GRM8: variants seen among roughly 807,000 people sequenced by gnomAD.
GRM8 encodes metabotropic glutamate receptor 8.
In GRM8, 47 loss-of-function variants were observed where a neutral mutation model predicts 87.2. The observed-to-expected ratio is 0.54, with a 90% CI of 0.43 to 0.69. The LOEUF (loss-of-function observed/expected upper bound fraction) is 0.69, where lower values mean the gene tolerates loss of function less well. GRM8 is among the 30% of genes least tolerant of loss of function. The pLI is 0.00. For synonymous variants in GRM8, 396 were observed against 404.5 expected (o/e 0.98, Z 0.25); for missense variants, 1,019 against 1,139.2 (o/e 0.89, Z 1.52).
intron 7 of GRM8, among the ~76,000 whole-genome samples, chr7:126,728,884 C>T (rs1262807814): frequency 1.3e-5 from 2 of 152,178 alleles, no homozygotes; most frequent in African/African-American, 4.8e-5. Flanking sequence ...TTAAACATGT[C>T]AGACACTCTT....
chr7:127,171,227 G>C (rs988544047), intron 2 of GRM8, among the ~76,000 whole-genome samples: 2 of 152,118 alleles, frequency 1.3e-5, no homozygotes, highest in Non-Finnish European at 2.9e-5. Flanking sequence ...ATGAGAAGTC[G>C]CTTCTTATGG....
At chr7:127,029,955 C>T (rs1271633103) in intron 3 of GRM8, among the ~76,000 whole-genome samples, 1 of 152,030 alleles carries the variant, frequency 6.6e-6, no homozygotes, top group Non-Finnish European at 1.5e-5. Context: ...CACAACCTAC[C>T]CCATTATCAA....
chr7:126,660,812 C>T (rs533862344), intron 7 of GRM8, among the ~76,000 whole-genome samples: 1 of 152,350 alleles, frequency 6.6e-6, no homozygotes, highest in Non-Finnish European at 1.5e-5. Context: ...ATAACGAGCA[C>T]TACCTTTAAA....
In GRM8 at chr7:126,441,918, C is replaced by T. The variant is rs12055976; in HGVS notation, c.2678-2750G>A. 5.3e-5 allele frequency among the ~76,000 whole-genome samples: 8 copies of T among 151,972 alleles called. No individual in the cohort carries two copies. The East Asian group carries it at 1.2e-3, about 22-fold the overall frequency. On this transcript the variant is annotated intron_variant, in intron 10 of 10. Transcript: ENST00000339582. ...GCTTATCTTATCTACATTGCTTATC[C>T]TTCTAGGTTATTATTGTGGCACCCT...
chr7:126,899,985 GAC>G (rs1171402735), intron 6 of GRM8, among the ~76,000 whole-genome samples: 1 of 152,022 alleles, frequency 6.6e-6, no homozygotes, highest in African/African-American at 2.4e-5. Context: ...TGGAGACTGA[GAC>G]AACCTTGACT....
chr7:127,165,326 G>T (rs1297917840), intron 2 of GRM8, among the ~76,000 whole-genome samples: 1 of 151,218 alleles, frequency 6.6e-6, no homozygotes, highest in Non-Finnish European at 1.5e-5. Context: ...AACACATATT[G>T]AAATTAGTTT....
At chr7:127,179,292 C>T (rs1392839094) in intron 2 of GRM8, among the ~76,000 whole-genome samples, 1 of 152,128 alleles carries the variant, frequency 6.6e-6, no homozygotes, top group Non-Finnish European at 1.5e-5. Context: ...CCTTGTCCCA[C>T]AGAAAAATAT....
At chr7:127,073,150 G>A (rs2132698256) in intron 3 of GRM8, among the ~76,000 whole-genome samples, 1 of 152,226 alleles carries the variant, frequency 6.6e-6, no homozygotes, top group Non-Finnish European at 1.5e-5. Flanking sequence ...CCAGCCCACT[G>A]AGCAGACCTT....
At chr7:126,872,460 C>T (rs1204526) in intron 6 of GRM8, among the ~76,000 whole-genome samples, 98,718 of 151,942 alleles carry the variant, frequency 0.65, 32,375 homozygotes, top group African/African-American at 0.72. Context: ...GCTACTAAGA[C>T]GTTGTTTAGG....
chr7:126,464,544 TCTTC>T (rs978327391), intron 9 of GRM8, among the ~76,000 whole-genome samples: 3 of 151,740 alleles, frequency 2.0e-5, no homozygotes, highest in Admixed American at 6.6e-5. Flanking sequence ...TGTGGTCTTC[TCTTC>T]CTTCCTTCCT....
At chr7:126,933,729 C>T (rs569427279) in intron 3 of GRM8, among the ~76,000 whole-genome samples, 1 of 152,246 alleles carries the variant, frequency 6.6e-6, no homozygotes, top group South Asian at 2.1e-4. Context: ...AGATTAACAA[C>T]CAGTACATGT....
intron 7 of GRM8, among the ~76,000 whole-genome samples, chr7:126,645,158 G>T (rs2237755): frequency 0.31 from 46,851 of 152,078 alleles, 8,088 homozygotes; most frequent in East Asian, 0.43. Flanking sequence ...CTAATAAAAG[G>T]CCACAAGAAT....
intron 2 of GRM8, among the ~76,000 whole-genome samples, chr7:127,195,000 C>T (rs376464957): frequency 3.3e-5 from 5 of 151,984 alleles, no homozygotes; most frequent in East Asian, 3.9e-4. Flanking sequence ...CTAGTTTTGT[C>T]GGGCTATTTA....
At chr7:126,845,710 C>T (rs749461585) in intron 6 of GRM8, among the ~76,000 whole-genome samples, 2 of 152,010 alleles carry the variant, frequency 1.3e-5, no homozygotes, top group African/African-American at 2.4e-5. Flanking sequence ...CTTATATATT[C>T]AAAAATAATA....
intron 3 of GRM8, among the ~76,000 whole-genome samples, chr7:126,955,977 T>A (rs1808639458): frequency 1.3e-5 from 2 of 152,134 alleles, no homozygotes; most frequent in South Asian, 4.1e-4. Context: ...ACTTGGATGG[T>A]CAAGTTCAAG....
At chr7:126,445,864 G>A (rs1801960025) in intron 10 of GRM8, among the ~76,000 whole-genome samples, 1 of 151,942 alleles carries the variant, frequency 6.6e-6, no homozygotes, top group African/African-American at 2.4e-5. Flanking sequence ...ACCAAGCTTT[G>A]TAATGCTTCA....
chr7:126,558,147 T>G (rs1793342246), intron 8 of GRM8, among the ~76,000 whole-genome samples: 1 of 152,212 alleles, frequency 6.6e-6, no homozygotes, highest in Non-Finnish European at 1.5e-5. Flanking sequence ...ATCAAAATTC[T>G]AGGTAGCATT....
intron 3 of GRM8, among the ~76,000 whole-genome samples, chr7:127,011,321 A>C (rs557172844): frequency 1.3e-5 from 2 of 152,266 alleles, no homozygotes; most frequent in East Asian, 1.9e-4. Flanking sequence ...ACTTGAACAT[A>C]TGCATTTAAT....
intron 6 of GRM8, among the ~76,000 whole-genome samples, chr7:126,825,359 C>T (rs1794667580): frequency 6.6e-6 from 1 of 152,152 alleles, no homozygotes; most frequent in African/African-American, 2.4e-5. Context: ...AGCCACTATG[C>T]CCGGCCCCAA....
Sources: allele counts gnomAD v4.1 joint callset (sites outside exome capture counted in the v4.1 genomes callset), GRCh38; gene constraint gnomAD v4.1.1; transcripts MANE v1.5; gene names NCBI Gene and HGNC (gene_info 2026-07-23, HGNC 2026-07-21).